KCNIP4: variants seen among roughly 807,000 people sequenced by gnomAD.
The protein encoded by KCNIP4 is potassium voltage-gated channel interacting protein 4.
A neutral mutation model predicts 34.0 loss-of-function variants in KCNIP4; 12 were observed. That is an observed-to-expected ratio of 0.35 (90% CI 0.23 to 0.57). KCNIP4 has a LOEUF of 0.57. KCNIP4 is among the 20% of genes least tolerant of loss of function. The pLI is 0.83. For synonymous variants in KCNIP4, 124 were observed against 102.2 expected (o/e 1.21, Z -1.29); for missense variants, 238 against 311.7 (o/e 0.76, Z 1.78).
At chr4:20,772,726 C>T (rs976930928) in intron 3 of KCNIP4, among the ~76,000 whole-genome samples, 11 of 152,152 alleles carry the variant, frequency 7.2e-5, no homozygotes, top group Middle Eastern at 6.8e-3. Flanking sequence ...ACTGCAACCT[C>T]CATCTCCTAG....
chr4:21,347,851 T>A (rs1045114392), intron 1 of KCNIP4, among the ~76,000 whole-genome samples: 5 of 152,152 alleles, frequency 3.3e-5, no homozygotes, highest in Non-Finnish European at 7.4e-5. Flanking sequence ...AAATAATACA[T>A]CCAAGCTATG....
chr4:21,329,591 A>G (rs1023296813), intron 1 of KCNIP4, among the ~76,000 whole-genome samples: 1 of 152,184 alleles, frequency 6.6e-6, no homozygotes, highest in Admixed American at 6.6e-5. Flanking sequence ...AGAACGGTAT[A>G]TGGTGCTATG....
At chr4:21,380,357 A>G (rs953650838) in intron 1 of KCNIP4, among the ~76,000 whole-genome samples, 5 of 146,370 alleles carry the variant, frequency 3.4e-5, no homozygotes, top group African/African-American at 1.0e-4. Context: ...AAAAAATACA[A>G]TTTTCCTGTC....
intron 5 of KCNIP4, among the ~76,000 whole-genome samples, chr4:20,737,408 T>C (rs62410159): frequency 0.33 from 50,303 of 151,980 alleles, 8,772 homozygotes; most frequent in African/African-American, 0.44. Flanking sequence ...GAGGAGCACT[T>C]TGAATACTGA....
intron 1 of KCNIP4, among the ~76,000 whole-genome samples, chr4:21,320,895 C>T (rs556608479): frequency 4.1e-5 from 6 of 147,804 alleles, no homozygotes; most frequent in Admixed American, 1.4e-4. Context: ...TGCTTAAACC[C>T]GAGAGGTTGC....
chr4:21,699,344 A>T (rs760468164), intron 1 of KCNIP4, among the ~76,000 whole-genome samples: 1 of 152,212 alleles, frequency 6.6e-6, no homozygotes, highest in Non-Finnish European at 1.5e-5. Flanking sequence ...GTGGTAACTG[A>T]GAAAGGCAAA....
intron 1 of KCNIP4, among the ~76,000 whole-genome samples, chr4:21,250,018 C>A (rs935558848): frequency 2.0e-5 from 3 of 151,894 alleles, no homozygotes; most frequent in Non-Finnish European, 4.4e-5. Flanking sequence ...TTCTTGATAT[C>A]CATTCAGGCT....
rs559113319 is a variant in KCNIP4, at chr4:21,499,118, G to T, written c.61+449453C>A. Among the ~76,000 whole-genome samples, 18 of 152,146 alleles carry T rather than the reference G, an allele frequency of 1.2e-4. No individual in the cohort carries two copies. The East Asian group carries it at 2.9e-3, about 25-fold the overall frequency. On this transcript the variant is annotated intron_variant, in intron 1 of 8. Transcript: ENST00000382152. ...GAGGCTGAGGTGGGCAGATCACGAG[G>T]TCAGAAGTTCGAGACAAGCCTGACC... is the stretch of plus-strand genomic sequence containing the variant.
intron 1 of KCNIP4, among the ~76,000 whole-genome samples, chr4:20,988,000 CAAAA>C (rs36044149): frequency 7.1e-4 from 33 of 46,330 alleles, no homozygotes; most frequent in South Asian, 6.0e-3. Flanking sequence ...GATTCCATCT[CAAAA>C]AAAAAAAAAA....
At chr4:21,681,496 C>T (rs914036778) in intron 1 of KCNIP4, among the ~76,000 whole-genome samples, 3 of 152,270 alleles carry the variant, frequency 2.0e-5, no homozygotes, top group Middle Eastern at 3.4e-3. Context: ...TAAGCTGCTG[C>T]GGCTTCTACA....
chr4:20,730,085 A>AATCACATTT lies in KCNIP4; in HGVS notation c.741_749dup (p.Asn248_Ile250dup). ...GATTCAGGATCTATTTGACAAGTTAAATCACATTTTCAAAGAGCTGCATGG... is the reference window on the plus strand; with the variant it reads ...GATTCAGGATCTATTTGACAAGTTAAATCACATTTATCACATTTTCAAAGAGCTGCATGG... On this transcript the variant is annotated inframe_insertion, in exon 9 of 9. Transcript: ENST00000382152. 6.2e-7 allele frequency: 1 copy of AATCACATTT among 1,608,720 alleles called. No individual in the cohort carries two copies. The highest frequency in any genetic ancestry group is 8.5e-7 in the Non-Finnish European group (1 of 1,178,274).
chr4:21,258,423 G>A (rs191756567), intron 1 of KCNIP4, among the ~76,000 whole-genome samples: 5 of 152,092 alleles, frequency 3.3e-5, no homozygotes, highest in African/African-American at 4.8e-5. Flanking sequence ...AGAATACTAC[G>A]TGACCCCGAC....
intron 1 of KCNIP4, among the ~76,000 whole-genome samples, chr4:21,732,400 G>A (rs116169041): frequency 2.7e-3 from 411 of 152,160 alleles, no homozygotes; most frequent in African/African-American, 8.2e-3. Context: ...TTCAATTCCC[G>A]AGAAGTGAGA....
At chr4:20,890,524 T>C (rs1258015576) in intron 1 of KCNIP4, among the ~76,000 whole-genome samples, 1 of 152,170 alleles carries the variant, frequency 6.6e-6, no homozygotes. Context: ...GTTGAGTGAT[T>C]CATATCACTT....
chr4:21,192,425 T>C (rs1285527909), intron 1 of KCNIP4, among the ~76,000 whole-genome samples: 2 of 152,234 alleles, frequency 1.3e-5, no homozygotes, highest in Non-Finnish European at 2.9e-5. Flanking sequence ...AAATCTTACA[T>C]GCTTTATGGT....
At chr4:21,151,404 CAAT>C (rs1560767241) in intron 1 of KCNIP4, among the ~76,000 whole-genome samples, 2 of 66,714 alleles carry the variant, frequency 3.0e-5, no homozygotes, top group African/African-American at 7.9e-5. Flanking sequence ...CAACAAAAGA[CAAT>C]TTTTTTTTTT....
intron 1 of KCNIP4, among the ~76,000 whole-genome samples, chr4:21,333,516 A>G (rs1204420362): frequency 6.6e-6 from 1 of 152,074 alleles, no homozygotes; most frequent in Non-Finnish European, 1.5e-5. Context: ...TTAATGTGAA[A>G]AGCAAGTTTC....
intron 1 of KCNIP4, among the ~76,000 whole-genome samples, chr4:21,282,306 G>A (rs190177771): frequency 1.3e-5 from 2 of 152,066 alleles, no homozygotes; most frequent in Non-Finnish European, 2.9e-5. Context: ...CAAACTATAA[G>A]TAGATATCTT....
chr4:21,530,243 T>C (rs1241621426), intron 1 of KCNIP4, among the ~76,000 whole-genome samples: 1 of 152,190 alleles, frequency 6.6e-6, no homozygotes, highest in Non-Finnish European at 1.5e-5. Context: ...AAAAATCTGC[T>C]GTCAAATACA....
Sources: allele counts gnomAD v4.1 joint callset (sites outside exome capture counted in the v4.1 genomes callset), GRCh38; gene constraint gnomAD v4.1.1; transcripts MANE v1.5; gene names NCBI Gene and HGNC (gene_info 2026-07-23, HGNC 2026-07-21).